Variants in SLC25A21 observed in about 807,000 individuals in gnomAD.
The protein encoded by SLC25A21 is mitochondrial 2-oxodicarboxylate carrier.
In SLC25A21, 47 loss-of-function variants were observed where a neutral mutation model predicts 43.8. The observed-to-expected ratio is 1.07, with a 90% CI of 0.85 to 1.37. SLC25A21 has a LOEUF of 1.37. Ranked by LOEUF, SLC25A21 falls within the 40% of genes most tolerant of loss-of-function variation. SLC25A21 has a pLI of 0.00. For synonymous variants in SLC25A21, 131 were observed against 121.3 expected (o/e 1.08, Z -0.52); for missense variants, 352 against 350.2 (o/e 1.00, Z -0.04).
intron 2 of SLC25A21, among the ~76,000 whole-genome samples, chr14:36,871,805 T>C (rs1220051060): frequency 6.6e-6 from 1 of 151,874 alleles, no homozygotes; most frequent in African/African-American, 2.4e-5. Context: ...TTTTTTTTAA[T>C]TGGATTTTAT....
intron 3 of SLC25A21, among the ~76,000 whole-genome samples, chr14:36,810,474 T>C (rs1888200917): frequency 6.6e-6 from 1 of 152,168 alleles, no homozygotes; most frequent in Non-Finnish European, 1.5e-5. Context: ...TTCTTAACTT[T>C]CTTGTCATAA....
rs762848461 is a variant in SLC25A21, at chr14:37,172,292, C to T, written c.59G>A (p.Gly20Asp). 6.3e-7 allele frequency: 1 copy of T among 1,598,558 alleles called. No homozygotes were observed. Among genetic ancestry groups the T allele is most frequent in the South Asian group, 1.1e-5 (1 of 88,242 alleles). ...VREASRQIVA[G>D]GSAGLVEICL... ...CGGGCTGTCCTTACCTGCAGAACCA[C>T]CGGCCACGATCTGCCGAGAAGCCTC... The change falls in exon 1 of 10, where the codon GGT becomes GAT. Residue 20 changes from glycine to aspartate, a missense_variant. Gly to Asp is a moderately conservative substitution (Grantham distance 94, BLOSUM62 -1). Transcript: ENST00000331299.
At chr14:37,028,838 T>G (rs2138764741) in intron 1 of SLC25A21, among the ~76,000 whole-genome samples, 1 of 152,256 alleles carries the variant, frequency 6.6e-6, no homozygotes, top group African/African-American at 2.4e-5. Flanking sequence ...ACTTAAGTGG[T>G]TTAAAGCCCA....
intron 7 of SLC25A21, among the ~76,000 whole-genome samples, chr14:36,701,200 G>A (rs1269833407): frequency 6.6e-6 from 1 of 152,108 alleles, no homozygotes; most frequent in Non-Finnish European, 1.5e-5. Context: ...GAAAATATCT[G>A]CTATTGAAGC....
At chr14:36,918,017 T>C (rs957857993) in intron 1 of SLC25A21, among the ~76,000 whole-genome samples, 2 of 152,170 alleles carry the variant, frequency 1.3e-5, no homozygotes, top group East Asian at 1.9e-4. Context: ...TCACTCTTTG[T>C]ATACGCATAT....
chr14:37,047,217 G>A (rs897410231), intron 1 of SLC25A21, among the ~76,000 whole-genome samples: 2 of 152,160 alleles, frequency 1.3e-5, no homozygotes, highest in Admixed American at 6.5e-5. Flanking sequence ...AGCAATTCAC[G>A]TGAAATTTAA....
rs534728278 is a variant in SLC25A21 at position 36,853,642 on chromosome 14, T to G, written c.119+21314A>C. On this transcript the variant is annotated intron_variant, in intron 2 of 9. Transcript: ENST00000331299. ...TGGACATGTAAACATGCGCTTACTC[T>G]ACTAAATAGTTGGTTATACAGAAAA... 3.3e-5 allele frequency among the ~76,000 whole-genome samples: 5 copies of G among 152,272 alleles called. No homozygotes were observed. In the South Asian group the frequency reaches 1.0e-3, roughly 32 times the overall value.
rs531036310 is a variant in SLC25A21, at chr14:37,100,279, G to A, written c.70+72002C>T. On this transcript the variant is annotated intron_variant, in intron 1 of 9. Transcript: ENST00000331299. ...TCACCATGTTGGCCAGGCTGGTCTC[G>A]AACTCCTGACCTCAGGTGTTTCCCC... 9.2e-5 allele frequency among the ~76,000 whole-genome samples: 14 copies of A among 151,976 alleles called. No homozygotes were observed. In the South Asian group the frequency reaches 1.7e-3, roughly 18 times the overall value.
At chr14:36,883,256 A>C (rs1391872908) in intron 1 of SLC25A21, among the ~76,000 whole-genome samples, 2 of 152,132 alleles carry the variant, frequency 1.3e-5, no homozygotes, top group Non-Finnish European at 2.9e-5. Context: ...CTCCAGCCAC[A>C]CTGGCTCTCT....
At chr14:37,041,199 A>G (rs1353677833) in intron 1 of SLC25A21, among the ~76,000 whole-genome samples, 1 of 152,190 alleles carries the variant, frequency 6.6e-6, no homozygotes, top group Non-Finnish European at 1.5e-5. Flanking sequence ...AAATTCCTGA[A>G]GGAAGGCAGT....
At chr14:37,094,695 C>T (rs541964511) in intron 1 of SLC25A21, among the ~76,000 whole-genome samples, 1 of 151,246 alleles carries the variant, frequency 6.6e-6, no homozygotes, top group African/African-American at 2.4e-5. Context: ...GATGACTAGT[C>T]CATTTTACAG....
At chr14:36,706,430 C>G (rs1354701519) in intron 7 of SLC25A21, among the ~76,000 whole-genome samples, 9 of 152,196 alleles carry the variant, frequency 5.9e-5, no homozygotes. Flanking sequence ...GACTTCACTT[C>G]TCATTGAGGT....
chr14:36,683,187 T>G (rs1882366003), intron 9 of SLC25A21, among the ~76,000 whole-genome samples: 1 of 152,210 alleles, frequency 6.6e-6, no homozygotes, highest in African/African-American at 2.4e-5. Context: ...CTGCAGAAGT[T>G]ATTTTCTTAT....
At chr14:36,981,607 G>A (rs1001564826) in intron 1 of SLC25A21, among the ~76,000 whole-genome samples, 24 of 152,082 alleles carry the variant, frequency 1.6e-4, no homozygotes, top group Non-Finnish European at 2.5e-4. Context: ...CAAACACCGC[G>A]TGTTCTCACT....
chr14:36,854,269 C>T (rs1264350299), intron 2 of SLC25A21, among the ~76,000 whole-genome samples: 1 of 152,144 alleles, frequency 6.6e-6, no homozygotes. Context: ...GAGTTTTAAA[C>T]AATGTCAGAG....
chr14:36,898,198 G>A lies in SLC25A21; in HGVS notation c.71-23194C>T, dbSNP rs538100130. Among the ~76,000 whole-genome samples, 13 of 152,230 alleles carry A rather than the reference G, an allele frequency of 8.5e-5. No individual in the cohort carries two copies. In the South Asian group the frequency reaches 1.0e-3, roughly 12 times the overall value. On this transcript the variant is annotated intron_variant, in intron 1 of 9. Transcript: ENST00000331299. ...GGGCTACACCCAGTTCGAGCTTCCCGGCCTCTTTGTTTACCCACTCAAGCC... is the reference window on the plus strand; with the variant it reads ...GGGCTACACCCAGTTCGAGCTTCCCAGCCTCTTTGTTTACCCACTCAAGCC...
chr14:36,762,907 C>T (rs1886218896), intron 3 of SLC25A21, among the ~76,000 whole-genome samples: 1 of 152,112 alleles, frequency 6.6e-6, no homozygotes, highest in Non-Finnish European at 1.5e-5. Context: ...TGAATTAATC[C>T]AACATACTTA....
chr14:36,699,556 G>T (rs930534036), intron 7 of SLC25A21, among the ~76,000 whole-genome samples: 6 of 152,218 alleles, frequency 3.9e-5, no homozygotes, highest in Admixed American at 1.3e-4. Flanking sequence ...TACCCACAGA[G>T]GTGGAGTCTA....
intron 7 of SLC25A21, among the ~76,000 whole-genome samples, chr14:36,694,064 C>T (rs1259488120): frequency 6.6e-6 from 1 of 151,730 alleles, no homozygotes; most frequent in Non-Finnish European, 1.5e-5. Flanking sequence ...CCTCCCCCAG[C>T]CCCCCAACCC....
Sources: gnomAD v4.1 joint callset for allele counts (sites outside exome capture counted in the v4.1 genomes callset) on GRCh38, gnomAD v4.1.1 for gene constraint, MANE v1.5 for transcripts, NCBI Gene and HGNC (gene_info 2026-07-23, HGNC 2026-07-21) for gene names.